MECOM: variants seen among roughly 807,000 people sequenced by gnomAD.
MECOM encodes the protein histone-lysine N-methyltransferase MECOM.
MECOM carries 13 observed loss-of-function variants against 116.3 expected under a neutral mutation model. The observed-to-expected ratio is 0.11, with a 90% CI of 0.07 to 0.18. The LOEUF is 0.18. Among genes scored for constraint, MECOM ranks in the 10% least tolerant of loss-of-function variants. MECOM has a pLI of 1.00. For missense variants in MECOM, 1,299 were observed against 1,509.0 expected (o/e 0.86, Z 2.31); for synonymous variants, 528 against 535.2 (o/e 0.99, Z 0.19).
Position 169,203,423 on chromosome 3 carries a change from C to T in MECOM, c.376-59591G>A, listed in dbSNP as rs945240257. On this transcript the variant is annotated intron_variant, in intron 2 of 16. Coordinates refer to ENST00000651503, the MANE Select transcript of MECOM (RefSeq NM_004991.4). Reference sequence around the variant, plus strand: ...GGACATATCACTTAACCTCTCTGAACTTACTTTCACCATTTAAAAAATAGG... The same window carrying T: ...GGACATATCACTTAACCTCTCTGAATTTACTTTCACCATTTAAAAAATAGG... Among the ~76,000 whole-genome samples the T allele has an allele frequency of 5.9e-4, 89 of 151,992 alleles. 2 individuals carry two copies. Among genetic ancestry groups the T allele is most frequent in the African/African-American group, 2.1e-3 (86 of 41,400 alleles).
intron 2 of MECOM, among the ~76,000 whole-genome samples, chr3:169,367,556 A>C: frequency 6.6e-6 from 1 of 152,022 alleles, no homozygotes; most frequent in East Asian, 1.9e-4. Flanking sequence ...GTCGTAGGGG[A>C]TGGTATACAA....
chr3:169,369,259 A>G (rs1001964891), intron 2 of MECOM, among the ~76,000 whole-genome samples: 3 of 151,560 alleles, frequency 2.0e-5, no homozygotes, highest in African/African-American at 7.3e-5. Context: ...CATAAGAAAG[A>G]AGGTCCCTCT....
chr3:169,479,475 A>G (rs1560330198), intron 1 of MECOM, among the ~76,000 whole-genome samples: 1 of 152,066 alleles, frequency 6.6e-6, no homozygotes, highest in Non-Finnish European at 1.5e-5. Flanking sequence ...GGCTGGAAAG[A>G]CAGGCAGGGC....
intron 12 of MECOM, among the ~76,000 whole-genome samples, chr3:169,097,566 C>T (rs1323016179): frequency 6.6e-6 from 1 of 151,884 alleles, no homozygotes; most frequent in Non-Finnish European, 1.5e-5. Context: ...TTAATCCTGA[C>T]TCTATTAGTA....
intron 1 of MECOM, among the ~76,000 whole-genome samples, chr3:169,471,309 T>A (rs1000011700): frequency 6.6e-6 from 1 of 152,054 alleles, no homozygotes; most frequent in Non-Finnish European, 1.5e-5. Flanking sequence ...CTCTTTTTTT[T>A]AAATCTCTTT....
chr3:169,574,750 G>A (rs1246885660), intron 1 of MECOM, among the ~76,000 whole-genome samples: 2 of 152,054 alleles, frequency 1.3e-5, no homozygotes, highest in East Asian at 3.9e-4. Flanking sequence ...TAGGGAGAAC[G>A]GAGGTTAAGT....
rs375898498 is a variant in MECOM, at chr3:169,084,896, A to T, written c.*13T>A. On this transcript the variant is annotated 3_prime_UTR_variant, in exon 17 of 17. Transcript: ENST00000651503. ...TGTTGGACTTGGTCCCACTCTGGTCAACCTTGATAACGTCATACGTGGCTT... is the reference window on the plus strand; with the variant it reads ...TGTTGGACTTGGTCCCACTCTGGTCTACCTTGATAACGTCATACGTGGCTT... 154 of 1,613,970 alleles carry T rather than the reference A, an allele frequency of 9.5e-5. 1 individual carries two copies. In the East Asian group the frequency reaches 1.2e-3, roughly 12 times the overall value.
chr3:169,203,788 T>C (rs1372783521), intron 2 of MECOM, among the ~76,000 whole-genome samples: 2 of 152,180 alleles, frequency 1.3e-5, no homozygotes, highest in Non-Finnish European at 2.9e-5. Flanking sequence ...GCATTCTTAG[T>C]ATTTTACTTG....
At chr3:169,543,494 G>T (rs189964878) in intron 1 of MECOM, among the ~76,000 whole-genome samples, 1 of 152,132 alleles carries the variant, frequency 6.6e-6, no homozygotes, top group Non-Finnish European at 1.5e-5. Context: ...GGTGTTTAAG[G>T]TTACAGTGAG....
At chr3:169,515,589 A>C (rs1241622140) in intron 1 of MECOM, among the ~76,000 whole-genome samples, 1 of 152,188 alleles carries the variant, frequency 6.6e-6, no homozygotes. Context: ...CCAGAAGAGA[A>C]TGAGTTACAC....
chr3:169,405,660 T>C (rs76719728), intron 1 of MECOM, among the ~76,000 whole-genome samples: 2 of 152,190 alleles, frequency 1.3e-5, no homozygotes, highest in East Asian at 1.9e-4. Context: ...CAGCAAACAA[T>C]ATGTCCATTT....
At chr3:169,406,311 T>C (rs1482220456) in intron 1 of MECOM, among the ~76,000 whole-genome samples, 1 of 152,222 alleles carries the variant, frequency 6.6e-6, no homozygotes, top group Admixed American at 6.5e-5. Context: ...ACAAGTCTTT[T>C]CATCTCTCTG....
At chr3:169,207,998 T>C (rs1750178617) in intron 2 of MECOM, among the ~76,000 whole-genome samples, 1 of 152,098 alleles carries the variant, frequency 6.6e-6, no homozygotes. Flanking sequence ...ACTTAACTTA[T>C]GTTATCTTTA....
At chr3:169,088,941 G>A in intron 16 of MECOM, 59 bp downstream of exon 16, 3 of 1,314,844 alleles carry the variant, frequency 2.3e-6, no homozygotes, top group Non-Finnish European at 3.0e-6. Context: ...GGTAATCAAA[G>A]GAAATGTACG....
At chr3:169,173,547 T>TGG (rs1744745331) in intron 2 of MECOM, among the ~76,000 whole-genome samples, 1 of 152,196 alleles carries the variant, frequency 6.6e-6, no homozygotes, top group Admixed American at 6.5e-5. Context: ...TGGCTTGTAC[T>TGG]ATCTTAGCCT....
chr3:169,557,291 C>A (rs1200074112), intron 1 of MECOM, among the ~76,000 whole-genome samples: 1 of 152,096 alleles, frequency 6.6e-6, no homozygotes, highest in Admixed American at 6.6e-5. Flanking sequence ...CTGAAGCTAA[C>A]CATTGAGCTG....
rs969678088 is a variant in MECOM at position 169,603,946 on chromosome 3, G to C, written c.37+59390C>G. On this transcript the variant is annotated intron_variant, in intron 1 of 16. Coordinates refer to ENST00000651503, the MANE Select transcript of MECOM (RefSeq NM_004991.4). ...CAGACTGACAGAGACTCTGTAGAGA[G>C]TCTGAAGAAGCTTTTTGGCACTCTA... is the stretch of plus-strand genomic sequence containing the variant. Among the ~76,000 whole-genome samples, 3 of 152,194 alleles carry C rather than the reference G, an allele frequency of 2.0e-5. No individual in the cohort carries two copies. In the East Asian group the frequency reaches 5.8e-4, roughly 29 times the overall value.
intron 5 of MECOM, among the ~76,000 whole-genome samples, chr3:169,123,159 G>A (rs1731606736): frequency 6.6e-6 from 1 of 151,442 alleles, no homozygotes; most frequent in Non-Finnish European, 1.5e-5. Context: ...AAGCTCACTT[G>A]TGAGCTTAAT....
At chr3:169,210,346 A>C (rs1361341484) in intron 2 of MECOM, among the ~76,000 whole-genome samples, 1 of 152,194 alleles carries the variant, frequency 6.6e-6, no homozygotes, top group Non-Finnish European at 1.5e-5. Context: ...CTTAAAGAAA[A>C]ATAAAAACAA....
Sources: allele counts gnomAD v4.1 joint callset (sites outside exome capture counted in the v4.1 genomes callset), GRCh38; gene constraint gnomAD v4.1.1; transcripts MANE v1.5; gene names NCBI Gene and HGNC (gene_info 2026-07-23, HGNC 2026-07-21).